Variants in TAB2 observed in about 807,000 individuals in gnomAD.
The protein encoded by TAB2 is TGF-beta-activated kinase 1 and MAP3K7-binding protein 2.
A neutral mutation model predicts 65.0 loss-of-function variants in TAB2; 3 were observed. The observed-to-expected ratio is 0.05, with a 90% confidence interval of 0.02 to 0.12. The LOEUF is 0.12. TAB2 is among the 10% of genes least tolerant of loss of function. TAB2 has a pLI of 1.00. For synonymous variants in TAB2, 298 were observed against 285.1 expected (o/e 1.05, Z -0.46); for missense variants, 623 against 840.3 (o/e 0.74, Z 3.20).
rs780745640 is a variant in TAB2, at chr6:149,339,566, C to T, written c.-90+21551C>T. Among the ~76,000 whole-genome samples the T allele has an allele frequency of 1.1e-4, 17 of 150,484 alleles. No individual in the cohort carries two copies. In the East Asian group the frequency reaches 1.5e-3, roughly 14 times the overall value. On this transcript the variant is annotated intron_variant, in intron 1 of 6. Transcript: ENST00000637181. The stretch of plus-strand genomic sequence containing the variant: ...AGTGTTTTTTAACAGGAAAGAAGCA[C>T]GGCCCAATAATTAATCTTTTTTATT...
chr6:149,409,435 ATG>A (rs902789510), intron 6 of TAB2, 140 bp from the exon 7 acceptor site: 2 of 712,984 alleles, frequency 2.8e-6, no homozygotes, highest in South Asian at 3.3e-5. Context: ...GTGATCGAGC[ATG>A]TGTGTCAGTG....
At chr6:149,394,525 G>C (rs1264572403) in intron 3 of TAB2, among the ~76,000 whole-genome samples, 1 of 152,066 alleles carries the variant, frequency 6.6e-6, no homozygotes, top group African/African-American at 2.4e-5. Flanking sequence ...TATGTGTAAA[G>C]GAACAGAGGA....
intron 3 of TAB2, among the ~76,000 whole-genome samples, chr6:149,396,171 C>A (rs1235484941): frequency 2.6e-5 from 4 of 152,134 alleles, no homozygotes; most frequent in African/African-American, 9.7e-5. Flanking sequence ...GCATCCACCA[C>A]CACGCCCGGC....
chr6:149,410,040 C>A lies in TAB2; in HGVS notation c.*321C>A, dbSNP rs1480959910. The A allele has an allele frequency of 5.6e-6, 2 of 355,294 alleles. No homozygotes were observed. The highest frequency in any genetic ancestry group is 1.2e-4 in the East Asian group (2 of 16,256). 22.0% of individuals were successfully genotyped at this position (355,294 alleles called of 1,614,324 possible). A position where few individuals can be genotyped will look rare whatever the true frequency, so the allele number is the denominator to read the frequency against. ...CTAGGTGTTCCCAATACCTTTTTCC[C>A]CTCATGTCACTACTGAATTTTGACA... On this transcript the variant is annotated 3_prime_UTR_variant, in exon 7 of 7. Transcript: ENST00000637181.
At chr6:149,314,394 C>T (rs148877216), upstream of TAB2, among the ~76,000 whole-genome samples, 1 of 152,284 alleles carries the variant, frequency 6.6e-6, no homozygotes, top group African/African-American at 2.4e-5. Flanking sequence ...TAAATCCCTA[C>T]CCTCCCTCCT....
intron 3 of TAB2, among the ~76,000 whole-genome samples, chr6:149,384,681 A>G (rs1189080012): frequency 6.6e-6 from 1 of 152,342 alleles, no homozygotes; most frequent in African/African-American, 2.4e-5. Context: ...ACCCAACTCT[A>G]GCTTCCAAAA....
At chr6:149,376,744 G>C (rs1781409946) in intron 2 of TAB2, among the ~76,000 whole-genome samples, 1 of 152,210 alleles carries the variant, frequency 6.6e-6, no homozygotes, top group Admixed American at 6.5e-5. Context: ...TAGGGGAAAA[G>C]TTTGGTTTTA....
intron 1 of TAB2, among the ~76,000 whole-genome samples, chr6:149,334,824 G>A (rs529037877): frequency 1.3e-5 from 2 of 152,292 alleles, no homozygotes; most frequent in African/African-American, 4.8e-5. Context: ...GTGAAACTTT[G>A]CCATTGATTA....
chr6:149,370,735 C>T lies in TAB2; in HGVS notation c.102+636C>T, dbSNP rs1388022609. Among the ~76,000 whole-genome samples the T allele has an allele frequency of 2.0e-5, 3 of 151,916 alleles. No individual in the cohort carries two copies. The East Asian group carries it at 5.8e-4, about 29-fold the overall frequency. ...TTCCAAATATTGAGTGATAGTTGTG[C>T]CTTTCTATTTTATTAAACTGGAAAT... On this transcript the variant is annotated intron_variant, in intron 2 of 6. Coordinates refer to ENST00000637181, the MANE Select transcript of TAB2 (RefSeq NM_001292034.3).
At chr6:149,386,618 A>C (rs895459904) in intron 3 of TAB2, among the ~76,000 whole-genome samples, 5 of 152,254 alleles carry the variant, frequency 3.3e-5, no homozygotes, top group African/African-American at 1.2e-4. Flanking sequence ...ATGCCATTAT[A>C]TAAATACACT....
At chr6:149,364,440 C>A (rs1780973555) in intron 1 of TAB2, among the ~76,000 whole-genome samples, 2 of 152,006 alleles carry the variant, frequency 1.3e-5, no homozygotes, top group African/African-American at 4.8e-5. Context: ...CTGTGATAGC[C>A]ACAAGCGAGA....
chr6:149,308,721 T>A (rs1361789137), intron 1 of TAB2, among the ~76,000 whole-genome samples: 1 of 151,924 alleles, frequency 6.6e-6, no homozygotes, highest in Non-Finnish European at 1.5e-5. Flanking sequence ...AGAGAGAGGG[T>A]TTCACCACGT....
Position 149,379,227 on chromosome 6 carries a change from C to G in TAB2, c.1312C>G (p.Pro438Ala). 6.2e-7 allele frequency: 1 copy of G among 1,614,236 alleles called. No individual in the cohort carries two copies. Residue 438 changes from proline to alanine, a missense_variant, in exon 3 of 7, where the codon CCC becomes GCC. Pro to Ala is a conservative substitution (Grantham distance 27). This residue lies in a region of TAB2 where 550 missense variants were observed against 665.7 expected (regional missense o/e 0.83). Transcript: ENST00000637181. ...TCCTGCCTTTATTCATCACCATCCT[C>G]CCAAAAGTCGAGCAATAGGCAATAA... is the stretch of plus-strand genomic sequence containing the variant. The part of the protein sequence containing the change: ...MGPAFIHHHP[P>A]KSRAIGNNSA...
At chr6:149,321,538 A>G (rs1168156229) in intron 1 of TAB2, 2 of 152,224 alleles carry the variant, frequency 1.3e-5, no homozygotes, top group Admixed American at 1.3e-4. Flanking sequence ...CCTATTTACT[A>G]GTAAGTGGTA....
chr6:149,292,315 GA>G (rs1017980448), intron 1 of TAB2, among the ~76,000 whole-genome samples: 3 of 152,212 alleles, frequency 2.0e-5, no homozygotes, highest in African/African-American at 7.2e-5. Flanking sequence ...TGGAGCATCA[GA>G]AAAAAACTCT....
At chr6:149,270,538 A>T (rs1248146381) in intron 1 of TAB2, among the ~76,000 whole-genome samples, 1 of 152,250 alleles carries the variant, frequency 6.6e-6, no homozygotes, top group Non-Finnish European at 1.5e-5. Flanking sequence ...AATGATAAGT[A>T]TATGAGGTCA....
intron 1 of TAB2, among the ~76,000 whole-genome samples, chr6:149,284,645 TACACAC>T (rs59723819): frequency 0.088 from 12,433 of 141,454 alleles, 629 homozygotes; most frequent in African/African-American, 0.15. Flanking sequence ...ATGATCTCTT[TACACAC>T]ACACACACAC....
At chr6:149,377,262 G>A (rs925932930) in intron 2 of TAB2, among the ~76,000 whole-genome samples, 4 of 151,228 alleles carry the variant, frequency 2.6e-5, no homozygotes, top group South Asian at 2.1e-4. Context: ...TAGTAGAGAC[G>A]GGATTTCACC....
At position 149,378,014 on chromosome 6, in the gene TAB2, A is replaced by G; in HGVS notation, c.103-4A>G. On this transcript the variant is annotated splice_region_variant and splice_polypyrimidine_tract_variant and intron_variant, in intron 2 of 6. Transcript: ENST00000637181. The stretch of plus-strand genomic sequence containing the variant: ...ACATCAATCAATTTATTTTGTTTTC[A>G]TAGAATAATAATAACCTGGATGCCT... The G allele has an allele frequency of 6.2e-7, 1 of 1,612,700 alleles. No homozygotes were observed. The highest frequency in any genetic ancestry group is 1.1e-5 in the South Asian group (1 of 91,028).
Sources: allele counts gnomAD v4.1 joint callset (sites outside exome capture counted in the v4.1 genomes callset), GRCh38; gene constraint gnomAD v4.1.1; regional missense constraint gnomAD v4.1.1; transcripts MANE v1.5; gene names NCBI Gene and HGNC (gene_info 2026-07-23, HGNC 2026-07-21).